FERMT3: variants seen among roughly 807,000 people sequenced by gnomAD.
The protein encoded by FERMT3 is fermitin family homolog 3.
Under a neutral mutation model 80.8 loss-of-function variants are expected in FERMT3, and 33 were observed. That is an observed-to-expected ratio of 0.41 (90% CI 0.31 to 0.55). The LOEUF is 0.55. FERMT3 is among the 20% of genes least tolerant of loss of function. The pLI, the probability that FERMT3 is intolerant of heterozygous loss-of-function variation, is 0.31. For missense variants in FERMT3, 754 were observed against 908.7 expected (o/e 0.83, Z 2.19); for synonymous variants, 375 against 372.2 (o/e 1.01, Z -0.09).
intron 6 of FERMT3, among the ~76,000 whole-genome samples, chr11:64,218,194 C>A (rs1163852953): frequency 6.6e-6 from 1 of 151,840 alleles, no homozygotes; most frequent in South Asian, 2.1e-4. Flanking sequence ...TTAGTAGAGA[C>A]AGGGTTTCAC....
rs192530857 is a variant in FERMT3 at position 64,209,165 on chromosome 11, G to A, written c.161-1446G>A. On this transcript the variant is annotated intron_variant, in intron 2 of 14. Coordinates refer to ENST00000345728, the MANE Select transcript of FERMT3 (RefSeq NM_031471.6). ...GGTGGTGTAGGGAGCTGGTGAGGAG[G>A]GGGAGCTGGCTAGGAGAGGGCACCT... Among the ~76,000 whole-genome samples the A allele has an allele frequency of 9.2e-5, 14 of 152,320 alleles. No individual in the cohort carries two copies. The East Asian group carries it at 2.3e-3, about 25-fold the overall frequency.
intron 13 of FERMT3, among the ~76,000 whole-genome samples, chr11:64,221,876 G>A (rs1039626345): frequency 6.6e-6 from 1 of 152,104 alleles, no homozygotes; most frequent in African/African-American, 2.4e-5. Context: ...GCAGTGAACT[G>A]AGACCATGCC....
At chr11:64,206,481 G>A (rs191261160), upstream of FERMT3, among the ~76,000 whole-genome samples, 238 of 152,358 alleles carry the variant, frequency 1.6e-3, no homozygotes, top group African/African-American at 5.4e-3. Flanking sequence ...ACACACAGCC[G>A]GGGGACTTGT....
At chr11:64,215,834 T>TTA (rs1304064741) in intron 6 of FERMT3, among the ~76,000 whole-genome samples, 5 of 145,930 alleles carry the variant, frequency 3.4e-5, no homozygotes, top group Non-Finnish European at 7.6e-5. Flanking sequence ...AAGTTGGGAT[T>TTA]TTTTTTTTTT....
In FERMT3 at chr11:64,223,185, G is replaced by A. The variant is rs751183978; in HGVS notation, c.1808G>A (p.Arg603Gln). ...CAGTGGAATGTCAACTGGGACATCC[G>A]GCAGGTGGGCCCAGACCCAGGGTAT... ...MRQWNVNWDI[R>Q]QVAIEFDEHI... is the part of the protein sequence containing the mutation. Residue 603 changes from arginine to glutamine, a missense_variant, in exon 14 of 15, where the codon CGG (arginine) becomes CAG (glutamine). Physicochemically the swap from Arg to Gln is conservative, Grantham distance 43. Transcript: ENST00000345728. 2.0e-5 allele frequency: 32 copies of A among 1,613,678 alleles called. No homozygotes were observed. The South Asian group carries it at 2.5e-4, about 13-fold the overall frequency.
rs1169786132 is a variant in FERMT3 at position 64,223,576 on chromosome 11, AC to A, written c.*87del. 1 of 1,470,764 alleles carries A rather than the reference AC, an allele frequency of 6.8e-7. No individual in the cohort carries two copies. The highest frequency in any genetic ancestry group is 9.2e-7 in the Non-Finnish European group (1 of 1,086,070). 91.1% of individuals were successfully genotyped at this position (1,470,764 alleles called of 1,614,324 possible). A position where few individuals can be genotyped will look rare whatever the true frequency, so the allele number is the denominator to read the frequency against. On this transcript the variant is annotated 3_prime_UTR_variant, in exon 15 of 15. Coordinates refer to ENST00000345728, the MANE Select transcript of FERMT3 (RefSeq NM_031471.6). ...CACCCACAGGGGCTCACTGCCCCACACCCGCTCCAGGCAGGCACCCAGCTGG... is the reference window on the plus strand; with the variant it reads ...CACCCACAGGGGCTCACTGCCCCACACCGCTCCAGGCAGGCACCCAGCTGG...
At chr11:64,207,327 T>TTGG (rs771929762) in intron 1 of FERMT3, 24 bp from the exon 2 acceptor site, 9 of 1,613,822 alleles carry the variant, frequency 5.6e-6, no homozygotes, top group Non-Finnish European at 7.6e-6. Flanking sequence ...CTGCCCACCT[T>TTGG]GCCTCCTTCC....
At position 64,219,980 on chromosome 11, in the gene FERMT3, C is replaced by T. The variant is rs775252663; in HGVS notation, c.1169C>T (p.Ala390Val). Reference sequence around the variant, plus strand: ...TCCTACTACAAGAGCCAGGACGAGGCCCCTGGGGACCCCATTCAGCAGCTC... The same window carrying T: ...TCCTACTACAAGAGCCAGGACGAGGTCCCTGGGGACCCCATTCAGCAGCTC... ...TLSYYKSQDE[A>V]PGDPIQQLNL... The change falls in exon 10 of 15, where the codon GCC (alanine) becomes GTC (valine). Residue 390 changes from alanine (A) to valine (V), a missense_variant. Coordinates refer to ENST00000345728, the MANE Select transcript of FERMT3 (RefSeq NM_031471.6). The surrounding 1 kb of genome is among the most constrained non-coding windows in gnomAD (Gnocchi z 4.0). 2 of 1,613,528 alleles carry T rather than the reference C, an allele frequency of 1.2e-6. No individual in the cohort carries two copies. Among genetic ancestry groups the T allele is most frequent in the Non-Finnish European group, 1.7e-6 (2 of 1,179,978 alleles).
At chr11:64,207,626 T>C in intron 2 of FERMT3, 102 bp downstream of exon 2, 1 of 1,406,268 alleles carries the variant, frequency 7.1e-7, no homozygotes, top group South Asian at 1.4e-5. Flanking sequence ...CTCCCGATAA[T>C]GGTGTCACGG....
chr11:64,211,890 C>G lies in FERMT3; in HGVS notation c.786+143C>G. 3.9e-6 allele frequency: 3 copies of G among 775,576 alleles called. No homozygotes were observed. In the South Asian group the frequency reaches 4.7e-5, roughly 12 times the overall value. The allele number at this position is 775,576 out of a possible 1,614,324, so 48.0% of individuals were successfully genotyped here. On this transcript the variant is annotated intron_variant, in intron 6 of 14. Transcript: ENST00000345728. This position sits in a 1 kb window ranked among gnomAD's most constrained non-coding sequence, Gnocchi z 4.7. ...TCCATCCACACCTTTGTTTACTGAC[C>G]CCACAAACACCCACTGAAACTCATC...
chr11:64,219,239 C>T lies in FERMT3; in HGVS notation c.787-12C>T, dbSNP rs1251257822. On this transcript the variant is annotated splice_polypyrimidine_tract_variant and intron_variant, in intron 6 of 14. Transcript: ENST00000345728. The surrounding 1 kb of genome is among the most constrained non-coding windows in gnomAD (Gnocchi z 4.0). ...CCAGCCCAGCCTCCAGCCTCCTCTC[C>T]CCCCGCTCCAGACAGACCCCGTGCG... 9.5e-6 allele frequency: 15 copies of T among 1,573,064 alleles called. No homozygotes were observed. Among genetic ancestry groups the T allele is most frequent in the Non-Finnish European group, 1.3e-5 (15 of 1,160,006 alleles).
chr11:64,218,208 G>A (rs1338875413), intron 6 of FERMT3, among the ~76,000 whole-genome samples: 1 of 152,024 alleles, frequency 6.6e-6, no homozygotes, highest in Non-Finnish European at 1.5e-5. Flanking sequence ...GTTTCACTGT[G>A]TTAGCCAGGA....
At chr11:64,207,294 C>T (rs1409615097) in intron 1 of FERMT3, 57 bp from the exon 2 acceptor site, 5 of 1,609,462 alleles carry the variant, frequency 3.1e-6, no homozygotes, top group Non-Finnish European at 4.2e-6. Context: ...CTCTTCTGCC[C>T]AAACCCGGAG....
chr11:64,221,269 T>C (rs1946675883), intron 13 of FERMT3, 129 bp downstream of exon 13: 4 of 926,878 alleles, frequency 4.3e-6, no homozygotes, highest in East Asian at 2.6e-5. Context: ...CCTTGTTCTT[T>C]GTAAGCAGGC....
rs1206821731 is a variant in FERMT3, at chr11:64,207,339, C to G, written c.-14-12C>G. On this transcript the variant is annotated splice_polypyrimidine_tract_variant and intron_variant, in intron 1 of 14. Coordinates refer to ENST00000345728, the MANE Select transcript of FERMT3 (RefSeq NM_031471.6). ...GGCCTGCCCACCTTGCCTCCTTCCA[C>G]ACTCTCTGTAGCAGCAGCCGCAGCC... 6.2e-7 allele frequency: 1 copy of G among 1,613,926 alleles called. No homozygotes were observed. Among genetic ancestry groups the G allele is most frequent in the Non-Finnish European group, 8.5e-7 (1 of 1,179,982 alleles).
chr11:64,221,694 C>T (rs1335089195), intron 13 of FERMT3, among the ~76,000 whole-genome samples: 4 of 152,000 alleles, frequency 2.6e-5, no homozygotes, highest in Admixed American at 6.6e-5. Flanking sequence ...TTTGGGAGGC[C>T]GAGGCGGGCA....
intron 6 of FERMT3, among the ~76,000 whole-genome samples, chr11:64,214,377 C>T (rs1946507614): frequency 6.6e-6 from 1 of 152,082 alleles, no homozygotes; most frequent in African/African-American, 2.4e-5. Flanking sequence ...TGGAGTCTCG[C>T]TCTTGTTGCC....
chr11:64,207,319 G>A (rs1210289256), intron 1 of FERMT3, 32 bp from the exon 2 acceptor site: 1 of 1,613,736 alleles, frequency 6.2e-7, no homozygotes, highest in Non-Finnish European at 8.5e-7. Flanking sequence ...ACCAGGGCCT[G>A]CCCACCTTGC....
intron 2 of FERMT3, chr11:64,207,859 C>T (rs2515241): frequency 0.33 from 72,874 of 222,286 alleles, 12,407 homozygotes; most frequent in Admixed American, 0.4. Context: ...CTAGGTGACC[C>T]AGGGGCCTGC....
Sources: gnomAD v4.1 joint callset for allele counts (sites outside exome capture counted in the v4.1 genomes callset) on GRCh38, gnomAD v4.1.1 for gene constraint, Gnocchi (gnomAD v3.1) non-coding constraint, MANE v1.5 for transcripts, NCBI Gene and HGNC (gene_info 2026-07-23, HGNC 2026-07-21) for gene names.